UTRN: variants seen among roughly 807,000 people sequenced by gnomAD.
The protein encoded by UTRN is utrophin, also known as dystrophin-related protein 1.
Under a neutral mutation model 463.9 loss-of-function variants are expected in UTRN, and 283 were observed. The ratio of observed to expected loss-of-function variants is 0.61; its 90% CI spans 0.55 to 0.67. The LOEUF is 0.67. UTRN is among the 30% of genes least tolerant of loss of function. UTRN has a pLI of 0.00. For missense variants in UTRN, 3,922 were observed against 4,084.3 expected (o/e 0.96, Z 1.08); for synonymous variants, 1,442 against 1,431.5 (o/e 1.01, Z -0.17).
intron 2 of UTRN, among the ~76,000 whole-genome samples, chr6:144,299,987 A>C (rs1265258357): frequency 1.3e-5 from 2 of 152,162 alleles, no homozygotes; most frequent in Non-Finnish European, 2.9e-5. Context: ...TAAAAGATGT[A>C]TAGTGATTTT....
At chr6:144,447,099 C>T in intron 14 of UTRN, 112 bp from the exon 15 acceptor site, 1 of 906,070 alleles carries the variant, frequency 1.1e-6, no homozygotes. Flanking sequence ...TTCTTATCCC[C>T]ATGTAAGGGT....
chr6:144,446,238 A>G (rs568786433), intron 14 of UTRN, among the ~76,000 whole-genome samples: 61 of 152,268 alleles, frequency 4.0e-4, no homozygotes, highest in African/African-American at 1.4e-3. Context: ...ATCGTGTTCT[A>G]TAATGATCTG....
At chr6:144,709,126 G>A (rs1256925695) in intron 53 of UTRN, among the ~76,000 whole-genome samples, 2 of 152,054 alleles carry the variant, frequency 1.3e-5, no homozygotes, top group Non-Finnish European at 2.9e-5. Context: ...GTTTTGGAGG[G>A]GACATTCAAA....
Position 144,491,193 on chromosome 6 carries a change from A to C in UTRN, c.4437+91A>C, listed in dbSNP as rs10080920. The C allele has an allele frequency of 6.2e-3, 7,810 of 1,253,888 alleles. 368 individuals carry two copies. The African/African-American group carries it at 0.1, about 16-fold the overall frequency. The allele number at this position is 1,253,888 out of a possible 1,614,324, so 77.7% of individuals were successfully genotyped here. A position where few individuals can be genotyped will look rare whatever the true frequency, so the allele number is the denominator to read the frequency against. On this transcript the variant is annotated intron_variant, in intron 32 of 74. Transcript: ENST00000367545. ...AAGTACATGCCTAGTGTGTCCAGTGATCACTAGTCTACAGTGTGCTAAACA... is the reference window on the plus strand; with the variant it reads ...AAGTACATGCCTAGTGTGTCCAGTGCTCACTAGTCTACAGTGTGCTAAACA...
At position 144,681,326 on chromosome 6, in the gene UTRN, A is replaced by G. The variant is rs138814545; in HGVS notation, c.7652+2748A>G. On this transcript the variant is annotated intron_variant, in intron 52 of 74. Coordinates refer to ENST00000367545, the MANE Select transcript of UTRN (RefSeq NM_007124.3). ...TTGAAACATTAGAAGAGGGCAAAGA[A>G]GTCCAAGAAACTCTAATACATAAGG... 4.9e-4 allele frequency among the ~76,000 whole-genome samples: 74 copies of G among 152,280 alleles called. 1 individual carries two copies. The highest frequency in any genetic ancestry group is 4.8e-3 in the Admixed American group (73 of 15,290).
At chr6:144,791,993 G>A (rs567723744) in intron 62 of UTRN, among the ~76,000 whole-genome samples, 2 of 152,258 alleles carry the variant, frequency 1.3e-5, no homozygotes, top group South Asian at 2.1e-4. Flanking sequence ...TAAACATCAT[G>A]CTAAGACTAC....
In UTRN at chr6:144,488,748, C is replaced by G. The variant is rs749098227; in HGVS notation, c.4048C>G (p.Gln1350Glu). Residue 1350 changes from glutamine (Q) to glutamate (E), a missense_variant, in exon 30 of 75, where the codon CAA becomes GAA. Transcript: ENST00000367545. ...AACTGACCAGATGCTTCAAGTCTTG[C>G]AAGAGAGCTTGGGGGAGCTGGACAA... ...RETDQMLQVL[Q>E]ESLGELDKQL... The G allele has an allele frequency of 7.4e-6, 12 of 1,613,380 alleles. No homozygotes were observed. Among genetic ancestry groups the G allele is most frequent in the East Asian group, 2.2e-5 (1 of 44,858 alleles).
chr6:144,836,728 A>C (rs1781139113), intron 71 of UTRN, 187 bp downstream of exon 71: 1 of 881,852 alleles, frequency 1.1e-6, no homozygotes, highest in East Asian at 2.9e-5. Flanking sequence ...GGCACACAAA[A>C]ATGTGTTTGC....
intron 58 of UTRN, chr6:144,758,197 G>A (rs1378751700): frequency 2.6e-6 from 1 of 383,834 alleles, no homozygotes; most frequent in African/African-American, 2.1e-5. Flanking sequence ...GGTGTGTTTA[G>A]CTGATATATT....
intron 54 of UTRN, among the ~76,000 whole-genome samples, chr6:144,735,903 A>G (rs553687792): frequency 1.3e-5 from 2 of 152,042 alleles, no homozygotes; most frequent in African/African-American, 4.8e-5. Flanking sequence ...TAAAATGTCT[A>G]GAAAGATACA....
intron 2 of UTRN, among the ~76,000 whole-genome samples, chr6:144,378,233 T>G (rs976991128): frequency 1.3e-5 from 2 of 152,202 alleles, no homozygotes; most frequent in African/African-American, 2.4e-5. Context: ...TTCTTTCTAT[T>G]GAAATGGACA....
At chr6:144,300,807 C>A (rs1420170228) in intron 2 of UTRN, among the ~76,000 whole-genome samples, 3 of 152,134 alleles carry the variant, frequency 2.0e-5, no homozygotes, top group Non-Finnish European at 2.9e-5. Context: ...AGGAGGAAGC[C>A]TTTTCTTATT....
chr6:144,582,612 TG>T (rs1802071327), intron 51 of UTRN, among the ~76,000 whole-genome samples: 1 of 152,196 alleles, frequency 6.6e-6, no homozygotes, highest in Non-Finnish European at 1.5e-5. Context: ...AGGGGAAATG[TG>T]GCAATTTGGA....
At chr6:144,790,232 A>G (rs1776647150) in intron 62 of UTRN, among the ~76,000 whole-genome samples, 1 of 152,198 alleles carries the variant, frequency 6.6e-6, no homozygotes, top group African/African-American at 2.4e-5. Flanking sequence ...ATTTTTGTCC[A>G]TAAAATGTGA....
rs200477118 is a variant in UTRN at position 144,290,752 on chromosome 6, C to CTT, written c.-92-957_-92-956dup. Among the ~76,000 whole-genome samples, 77 of 99,162 alleles carry CTT rather than the reference C, an allele frequency of 7.8e-4. 8 individuals are homozygous for CTT. Among genetic ancestry groups the CTT allele is most frequent in the African/African-American group, 1.3e-3 (31 of 23,838 alleles). The allele number at this position is 99,162 out of a possible 152,430, so 65.1% of individuals were successfully genotyped here. ...TGGTCTACCTACAAGCCACAATCGTCTTTTTTTTTTTTTTTTTTTTTTTTT... is the reference window on the plus strand; with the variant it reads ...TGGTCTACCTACAAGCCACAATCGTCTTTTTTTTTTTTTTTTTTTTTTTTTTT... On this transcript the variant is annotated intron_variant, in intron 1 of 74. Coordinates refer to ENST00000367545, the MANE Select transcript of UTRN (RefSeq NM_007124.3).
In UTRN at chr6:144,394,807, C is replaced by A. The variant is rs1255927531; in HGVS notation, c.80-8316C>A. Among the ~76,000 whole-genome samples, 8 of 151,792 alleles carry A rather than the reference C, an allele frequency of 5.3e-5. No homozygotes were observed. The East Asian group carries it at 1.3e-3, about 26-fold the overall frequency. On this transcript the variant is annotated intron_variant, in intron 2 of 74. Coordinates refer to ENST00000367545, the MANE Select transcript of UTRN (RefSeq NM_007124.3). ...AATTTATGAGGAAGATCCCTCATAA[C>A]ATGAGGAAAATAATGAAATAAATAA...
intron 25 of UTRN, 127 bp from the exon 26 acceptor site, chr6:144,479,685 A>G (rs1791646152): frequency 8.9e-7 from 1 of 1,118,236 alleles, no homozygotes; most frequent in African/African-American, 1.6e-5. Context: ...ATGAGATTTT[A>G]TCTGAATTTT....
intron 34 of UTRN, among the ~76,000 whole-genome samples, chr6:144,503,181 CT>C (rs1376160021): frequency 1.3e-5 from 2 of 150,702 alleles, no homozygotes. Context: ...ATTGCAAAAA[CT>C]TTCTCCCAGT....
chr6:144,364,706 C>T (rs1395983364), intron 2 of UTRN, among the ~76,000 whole-genome samples: 3 of 152,148 alleles, frequency 2.0e-5, no homozygotes, highest in Non-Finnish European at 2.9e-5. Flanking sequence ...AAGTCTGACA[C>T]GGGTCTTACT....
Sources: allele counts gnomAD v4.1 joint callset (sites outside exome capture counted in the v4.1 genomes callset), GRCh38; gene constraint gnomAD v4.1.1; transcripts MANE v1.5; gene names NCBI Gene and HGNC (gene_info 2026-07-23, HGNC 2026-07-21).